TSHR: variants seen among roughly 807,000 people sequenced by gnomAD.
TSHR encodes the protein thyroid stimulating hormone receptor, also known as thyrotropin receptor.
A neutral mutation model predicts 64.1 loss-of-function variants in TSHR; 51 were observed. The ratio of observed to expected loss-of-function variants is 0.80; its 90% CI spans 0.64 to 1.01. TSHR has a LOEUF of 1.01. Ranked by LOEUF, TSHR falls within the 50% of genes least tolerant of loss-of-function variation. The pLI is 0.00. For missense variants in TSHR, 877 were observed against 942.8 expected (o/e 0.93, Z 0.91); for synonymous variants, 361 against 361.9 (o/e 1.00, Z 0.03).
At chr14:81,099,238 G>A (rs1342431574) in intron 7 of TSHR, among the ~76,000 whole-genome samples, 8 of 151,276 alleles carry the variant, frequency 5.3e-5, no homozygotes. Flanking sequence ...TTTTACATAT[G>A]AAGGGAATGA....
At chr14:81,026,651 T>TA (rs1223206444) in intron 1 of TSHR, among the ~76,000 whole-genome samples, 2 of 151,870 alleles carry the variant, frequency 1.3e-5, no homozygotes, top group South Asian at 2.1e-4. Context: ...GTCTCAAATT[T>TA]AAAAAAAGAT....
At chr14:81,029,012 A>T (rs1018553742) in intron 1 of TSHR, among the ~76,000 whole-genome samples, 7 of 151,718 alleles carry the variant, frequency 4.6e-5, no homozygotes, top group Non-Finnish European at 8.8e-5. Flanking sequence ...AAATATATTA[A>T]CTTTATGTCT....
chr14:81,106,453 A>G (rs1889898878), intron 7 of TSHR, among the ~76,000 whole-genome samples: 1 of 152,214 alleles, frequency 6.6e-6, no homozygotes, highest in African/African-American at 2.4e-5. Context: ...CATCCAACAA[A>G]TAGTTACAGA....
intron 8 of TSHR, among the ~76,000 whole-genome samples, chr14:81,109,289 G>A (rs895671077): frequency 6.6e-6 from 1 of 151,602 alleles, no homozygotes; most frequent in East Asian, 1.9e-4. Flanking sequence ...GGTGCCTGTA[G>A]TCCCAGCTAC....
chr14:81,085,230 C>T (rs995986055), intron 3 of TSHR, among the ~76,000 whole-genome samples: 7 of 152,064 alleles, frequency 4.6e-5, no homozygotes, highest in African/African-American at 1.7e-4. Flanking sequence ...CCACCTGTCT[C>T]GGCCTCCCAA....
At chr14:81,059,932 T>C (rs1331926576) in intron 1 of TSHR, among the ~76,000 whole-genome samples, 3 of 152,174 alleles carry the variant, frequency 2.0e-5, no homozygotes, top group South Asian at 2.1e-4. Flanking sequence ...ACAGGTGTTA[T>C]ATATTTCAGA....
chr14:81,083,712 A>G (rs1409061402), intron 3 of TSHR, among the ~76,000 whole-genome samples: 1 of 152,172 alleles, frequency 6.6e-6, no homozygotes, highest in East Asian at 1.9e-4. Flanking sequence ...TTACCCTTTA[A>G]TCTTCTGTAT....
At chr14:81,070,847 G>T (rs1595049026) in intron 3 of TSHR, among the ~76,000 whole-genome samples, 1 of 151,900 alleles carries the variant, frequency 6.6e-6, no homozygotes, top group Non-Finnish European at 1.5e-5. Context: ...AAAATTGAGA[G>T]AATTTATTAC....
chr14:81,083,295 C>A (rs2079701398), intron 3 of TSHR, among the ~76,000 whole-genome samples: 1 of 152,134 alleles, frequency 6.6e-6, no homozygotes, highest in South Asian at 2.1e-4. Flanking sequence ...TTAAGTGAAC[C>A]TAACTGCATG....
chr14:81,038,511 T>C (rs1884763041), intron 1 of TSHR, among the ~76,000 whole-genome samples: 1 of 149,932 alleles, frequency 6.7e-6, no homozygotes, highest in Non-Finnish European at 1.5e-5. Context: ...ATAAGTGAAA[T>C]AGAGGCTAAA....
intron 1 of TSHR, among the ~76,000 whole-genome samples, chr14:81,055,645 T>C (rs551684288): frequency 6.6e-6 from 1 of 152,238 alleles, no homozygotes; most frequent in East Asian, 1.9e-4. Flanking sequence ...TCAAAGGAGA[T>C]CGTTTTGGAG....
At chr14:81,089,588 G>A (rs551503941) in intron 4 of TSHR, among the ~76,000 whole-genome samples, 20 of 152,118 alleles carry the variant, frequency 1.3e-4, no homozygotes, top group African/African-American at 2.7e-4. Flanking sequence ...GGAAAGTGAC[G>A]AAGGAGAGAC....
chr14:81,126,828 C>T (rs190884800), intron 8 of TSHR, among the ~76,000 whole-genome samples: 276 of 152,262 alleles, frequency 1.8e-3, no homozygotes, highest in Non-Finnish European at 3.1e-3. Flanking sequence ...TAGTGAGTGC[C>T]CGCTAGGCTC....
At chr14:81,074,032 T>C (rs986454484) in intron 3 of TSHR, among the ~76,000 whole-genome samples, 1 of 152,200 alleles carries the variant, frequency 6.6e-6, no homozygotes, top group African/African-American at 2.4e-5. Context: ...ATGATCTTTT[T>C]CCTCACAAAG....
chr14:81,005,253 G>A (rs866323312), intron 1 of TSHR, among the ~76,000 whole-genome samples: 10 of 144,244 alleles, frequency 6.9e-5, no homozygotes, highest in Admixed American at 2.7e-4. Context: ...ACGCACGCAC[G>A]TGTATCTCTG....
At chr14:80,976,509 G>A (rs1887882281) in intron 1 of TSHR, among the ~76,000 whole-genome samples, 1 of 152,124 alleles carries the variant, frequency 6.6e-6, no homozygotes, top group Non-Finnish European at 1.5e-5. Context: ...CTTCATTTTT[G>A]AGGGCCTGAA....
intron 1 of TSHR, among the ~76,000 whole-genome samples, chr14:80,986,319 T>G (rs139226852): frequency 0.012 from 1,843 of 152,198 alleles, 14 homozygotes; most frequent in Middle Eastern, 0.048. Flanking sequence ...TAGAGAGAGA[T>G]AGATAGAGAT....
chr14:81,109,751 C>A (rs1890141930), intron 8 of TSHR, among the ~76,000 whole-genome samples: 1 of 152,178 alleles, frequency 6.6e-6, no homozygotes, highest in Admixed American at 6.5e-5. Flanking sequence ...CACATACGCT[C>A]CATCCAAATA....
intron 1 of TSHR, among the ~76,000 whole-genome samples, chr14:81,048,707 G>A (rs1017511036): frequency 5.9e-5 from 9 of 152,246 alleles, no homozygotes; most frequent in African/African-American, 2.2e-4. Flanking sequence ...GTATGAAAGC[G>A]CTTAGTGAGA....
Sources: allele counts gnomAD v4.1 joint callset (sites outside exome capture counted in the v4.1 genomes callset), GRCh38; gene constraint gnomAD v4.1.1; transcripts MANE v1.5; gene names NCBI Gene and HGNC (gene_info 2026-07-23, HGNC 2026-07-21).